FAM180A: variants seen among roughly 807,000 people sequenced by gnomAD.
FAM180A encodes protein FAM180A.
A neutral mutation model predicts 15.3 loss-of-function variants in FAM180A; 14 were observed. That is an observed-to-expected ratio of 0.92 (90% CI 0.61 to 1.43). The LOEUF (loss-of-function observed/expected upper bound fraction) is 1.43. FAM180A is among the 40% of genes most tolerant of loss of function. The probability of loss-of-function intolerance (pLI) is 0.00; values close to 1 mark genes in which losing one functional copy is unlikely to be tolerated. For synonymous variants in FAM180A, 90 were observed against 96.8 expected, an observed-to-expected ratio of 0.93 and a Z score of 0.41; for missense variants, 200 against 220.8, an observed-to-expected ratio of 0.91 and a Z score of 0.60.
At chr7:135,740,020 C>A (rs972006953) in intron 1 of FAM180A, among the ~76,000 whole-genome samples, 1 of 152,156 alleles carries the variant, frequency 6.6e-6, no homozygotes, top group African/African-American at 2.4e-5. Context: ...GCCATGAGCT[C>A]CATGGCAGTA....
intron 2 of FAM180A, among the ~76,000 whole-genome samples, chr7:135,736,230 C>A (rs1045439436): frequency 3.9e-5 from 6 of 152,102 alleles, no homozygotes; most frequent in Admixed American, 6.5e-5. Flanking sequence ...ACCGTGTTGG[C>A]CAGGCTGGTC....
Position 135,733,949 on chromosome 7 carries a change from C to T in FAM180A, c.*26G>A, listed in dbSNP as rs1330944966. 6.4e-7 allele frequency: 1 copy of T among 1,557,028 alleles called. No homozygotes were observed. Among genetic ancestry groups the T allele is most frequent in the East Asian group, 2.3e-5 (1 of 44,396 alleles). On this transcript the variant is annotated 3_prime_UTR_variant, in exon 3 of 4. Transcript: ENST00000338588. ...CTGGATTACTGTGCTGGTCCCTGCT[C>T]TGAGGTCCTGGTGTGGGCCAGTCTC...
chr7:135,740,974 C>CAA (rs66604052), intron 1 of FAM180A, among the ~76,000 whole-genome samples: 13 of 150,520 alleles, frequency 8.6e-5, no homozygotes, highest in Admixed American at 3.3e-4. Flanking sequence ...CAAAACAAAA[C>CAA]AAAAAAAAAA....
intron 1 of FAM180A, among the ~76,000 whole-genome samples, chr7:135,746,931 C>A: frequency 6.6e-6 from 1 of 152,238 alleles, no homozygotes; most frequent in East Asian, 1.9e-4. Context: ...GAAACCCCAT[C>A]TCTACTAAAA....
rs1021154050 is a variant in FAM180A, at chr7:135,733,888, C to A, written c.*87G>T. ...TGTGTCAGCGGTAAGAGTTTTGTTG[C>A]TGGTCTCTGTAAATGGAGTAGAGAA... On this transcript the variant is annotated 3_prime_UTR_variant, in exon 3 of 4. Transcript: ENST00000338588. 1.4e-5 allele frequency: 20 copies of A among 1,458,200 alleles called. No homozygotes were observed. Among genetic ancestry groups the A allele is most frequent in the African/African-American group, 2.8e-5 (2 of 70,402 alleles). The allele number at this position is 1,458,200 out of a possible 1,614,324, so 90.3% of individuals were successfully genotyped here.
Position 135,733,940 on chromosome 7 carries a change from G to A in FAM180A, c.*35C>T. ...GAAGACTTTCTGGATTACTGTGCTG[G>A]TCCCTGCTCTGAGGTCCTGGTGTGG... On this transcript the variant is annotated 3_prime_UTR_variant, in exon 3 of 4. Transcript: ENST00000338588. 5.8e-6 allele frequency: 9 copies of A among 1,542,740 alleles called. No homozygotes were observed. Among genetic ancestry groups the A allele is most frequent in the Non-Finnish European group, 7.8e-6 (9 of 1,146,732 alleles).
rs191233610 is a variant in FAM180A at position 135,739,440 on chromosome 7, C to G, written c.77-2241G>C. 8.6e-5 allele frequency among the ~76,000 whole-genome samples: 13 copies of G among 151,522 alleles called. No individual in the cohort carries two copies. In the East Asian group the frequency reaches 2.5e-3, roughly 29 times the overall value. On this transcript the variant is annotated intron_variant, in intron 1 of 3. Coordinates refer to ENST00000338588, the MANE Select transcript of FAM180A (RefSeq NM_205855.4). ...CCTGGGTAACATGGTGAAACCCCATCTCTACTAAAAAAATACAAAAAATTA... is the reference window on the plus strand; with the variant it reads ...CCTGGGTAACATGGTGAAACCCCATGTCTACTAAAAAAATACAAAAAATTA...
At position 135,734,720 on chromosome 7, in the gene FAM180A, G is replaced by A. The variant is rs796459744; in HGVS notation, c.178-401C>T. Among the ~76,000 whole-genome samples the A allele has an allele frequency of 8.5e-5, 13 of 152,116 alleles. 1 individual carries two copies. The highest frequency in any genetic ancestry group is 2.9e-4 in the African/African-American group (12 of 41,514). On this transcript the variant is annotated intron_variant, in intron 2 of 3. Coordinates refer to ENST00000338588, the MANE Select transcript of FAM180A (RefSeq NM_205855.4). ...GATCATCTAAAGCATCAACTATTTC[G>A]ATAATTTTAAGGCAGAAGCTGGGAG...
intron 2 of FAM180A, among the ~76,000 whole-genome samples, chr7:135,735,433 G>C (rs1342839955): frequency 6.6e-6 from 1 of 152,228 alleles, no homozygotes; most frequent in African/African-American, 2.4e-5. Flanking sequence ...CGTGGGAGCT[G>C]GGTCTGCCAT....
At chr7:135,732,465 G>T (rs1796796389) in intron 3 of FAM180A, among the ~76,000 whole-genome samples, 1 of 152,208 alleles carries the variant, frequency 6.6e-6, no homozygotes, top group African/African-American at 2.4e-5. Context: ...GCCTGAGGCG[G>T]GTGGATCACT....
chr7:135,734,360 A>C, intron 2 of FAM180A, 41 bp from the exon 3 acceptor site: 1 of 1,532,904 alleles, frequency 6.5e-7, no homozygotes, highest in Non-Finnish European at 8.8e-7. Flanking sequence ...GAAGTGAGGC[A>C]TTGCTGAGGA....
At chr7:135,731,542 A>C (rs1352322715) in intron 3 of FAM180A, among the ~76,000 whole-genome samples, 1 of 144,590 alleles carries the variant, frequency 6.9e-6, no homozygotes, top group Non-Finnish European at 1.6e-5. Context: ...CTAAAATAAA[A>C]GAAAGAAAGA....
chr7:135,734,638 T>C (rs1456977216), intron 2 of FAM180A, among the ~76,000 whole-genome samples: 1 of 152,212 alleles, frequency 6.6e-6, no homozygotes, highest in African/African-American at 2.4e-5. Context: ...GGACTAATTA[T>C]AGTTTCTAGT....
At chr7:135,741,666 T>C (rs1249178212) in intron 1 of FAM180A, among the ~76,000 whole-genome samples, 1 of 150,870 alleles carries the variant, frequency 6.6e-6, no homozygotes, top group African/African-American at 2.4e-5. Context: ...CTACTAAAAA[T>C]AAAAAAATTT....
intron 1 of FAM180A, 89 bp downstream of exon 1, chr7:135,748,416 G>T: frequency 1.0e-6 from 1 of 972,076 alleles, no homozygotes; most frequent in Non-Finnish European, 1.7e-6. Flanking sequence ...AGAGTGCGGG[G>T]CTTCTAATGT....
intron 1 of FAM180A, among the ~76,000 whole-genome samples, chr7:135,741,116 G>T (rs923025127): frequency 2.8e-4 from 42 of 152,302 alleles, no homozygotes; most frequent in African/African-American, 8.2e-4. Flanking sequence ...TCTTCGCTCA[G>T]TTGTTGCCCT....
At position 135,748,673 on chromosome 7, in the gene FAM180A, TG is replaced by T; in HGVS notation, c.-94del. On this transcript the variant is annotated 5_prime_UTR_variant, in exon 1 of 4. Coordinates refer to ENST00000338588, the MANE Select transcript of FAM180A (RefSeq NM_205855.4). ...CGTGCCGTTCTTCCCAGTGAGATGATGGAGTGCTTCCCTCCCTTCCTTTTGC... is the reference window on the plus strand; with the variant it reads ...CGTGCCGTTCTTCCCAGTGAGATGATGAGTGCTTCCCTCCCTTCCTTTTGC... 1.0e-6 allele frequency: 1 copy of T among 958,002 alleles called. No individual in the cohort carries two copies. Among genetic ancestry groups the T allele is most frequent in the Non-Finnish European group, 1.7e-6 (1 of 588,480 alleles). The allele number at this position is 958,002 out of a possible 1,614,324, so 59.3% of individuals were successfully genotyped here.
intron 1 of FAM180A, among the ~76,000 whole-genome samples, chr7:135,746,023 A>G (rs1797027755): frequency 6.6e-6 from 1 of 152,136 alleles, no homozygotes; most frequent in Non-Finnish European, 1.5e-5. Flanking sequence ...AAAATGAAAA[A>G]AAAATCAACT....
At chr7:135,741,641 T>C (rs964267168) in intron 1 of FAM180A, among the ~76,000 whole-genome samples, 1 of 151,506 alleles carries the variant, frequency 6.6e-6, no homozygotes, top group Non-Finnish European at 1.5e-5. Context: ...CTGGGCAACA[T>C]AGTGAGACCC....
Sources: gnomAD v4.1 joint callset for allele counts (sites outside exome capture counted in the v4.1 genomes callset) on GRCh38, gnomAD v4.1.1 for gene constraint, MANE v1.5 for transcripts, NCBI Gene and HGNC (gene_info 2026-07-23, HGNC 2026-07-21) for gene names.